Variants in GARNL3 observed in about 807,000 individuals in gnomAD.
GARNL3 encodes GTPase-activating Rap/Ran-GAP domain-like protein 3.
GARNL3 carries 63 observed loss-of-function variants against 125.0 expected under a neutral mutation model. The observed-to-expected ratio is 0.50, with a 90% CI of 0.41 to 0.62. The LOEUF (loss-of-function observed/expected upper bound fraction) is 0.62. Ranked by LOEUF, GARNL3 falls within the 20% of genes least tolerant of loss-of-function variation. GARNL3 has a pLI of 0.00. For synonymous variants in GARNL3, 439 were observed against 457.5 expected, an observed-to-expected ratio of 0.96 and a Z score of 0.52; for missense variants, 994 against 1,244.0, an observed-to-expected ratio of 0.80 and a Z score of 3.02.
At chr9:127,362,207 A>ATTAGGT (rs1831044434) in intron 21 of GARNL3, 1 of 150,646 alleles carries the variant, frequency 6.6e-6, no homozygotes, top group Non-Finnish European at 1.5e-5. Flanking sequence ...AGTAACTGGG[A>ATTAGGT]TTAGGTGCCC....
Position 127,390,706 on chromosome 9 carries a change from C to T in GARNL3, c.2809C>T (p.Arg937Trp), listed in dbSNP as rs753455445. Residue 937 changes from arginine (R) to tryptophan (W), a missense_variant, in exon 27 of 28, where the codon CGG becomes TGG. This residue lies in a region of GARNL3 where 728 missense variants were observed against 865.7 expected (regional missense o/e 0.84). Coordinates refer to ENST00000373387, the MANE Select transcript of GARNL3 (RefSeq NM_032293.5). The part of the protein sequence containing the change: ...APKAKSKPRK[R>W]LEESQGGPKP... ...AAAGGCCAAATCAAAACCCCGGAAG[C>T]GGTTAGAAGAAAGCCAAGGAGGCCC... 1.3e-5 allele frequency: 21 copies of T among 1,613,742 alleles called. No homozygotes were observed. The highest frequency in any genetic ancestry group is 4.5e-5 in the East Asian group (2 of 44,886).
intron 20 of GARNL3, among the ~76,000 whole-genome samples, chr9:127,356,210 A>G (rs1172817150): frequency 6.6e-6 from 1 of 152,186 alleles, no homozygotes; most frequent in East Asian, 1.9e-4. Flanking sequence ...TTAGGAGGCC[A>G]AGGGTGGAAA....
upstream of GARNL3, chr9:127,264,413 A>G (rs2063658295): frequency 1.8e-5 from 11 of 619,812 alleles, no homozygotes; most frequent in Non-Finnish European, 2.2e-5. Flanking sequence ...TCATATTGCC[A>G]CATAAAAATC....
At chr9:127,253,990 C>T (rs948434260) in intron 2 of GARNL3, among the ~76,000 whole-genome samples, 4 of 152,166 alleles carry the variant, frequency 2.6e-5, no homozygotes, top group African/African-American at 9.7e-5. Flanking sequence ...TCTCTGAAGT[C>T]TCTTCTAACC....
intron 2 of GARNL3, among the ~76,000 whole-genome samples, chr9:127,248,629 A>T (rs1323878484): frequency 1.3e-5 from 1 of 77,636 alleles, no homozygotes; most frequent in African/African-American, 8.7e-5. Context: ...TTTTGTTGAG[A>T]CAGGGTCTCA....
chr9:127,306,858 A>G (rs1391575530), intron 2 of GARNL3, among the ~76,000 whole-genome samples: 1 of 152,132 alleles, frequency 6.6e-6, no homozygotes, highest in African/African-American at 2.4e-5. Context: ...GCACTCCAGC[A>G]TGGGCAACAG....
At position 127,389,822 on chromosome 9, in the gene GARNL3, G is replaced by A. The variant is rs568300378; in HGVS notation, c.2743+703G>A. ...TATAGTCCCAGCTACTCAAGAAGCT[G>A]AGGCAAGAGAATCGATTGAGTCCGG... On this transcript the variant is annotated intron_variant, in intron 26 of 27. Transcript: ENST00000373387. Among the ~76,000 whole-genome samples, 369 of 150,908 alleles carry A rather than the reference G, an allele frequency of 2.4e-3. 2 individuals are homozygous for A. Among genetic ancestry groups the A allele is most frequent in the Non-Finnish European group, 4.5e-3 (307 of 67,842 alleles).
chr9:127,351,540 A>G (rs2131648862), intron 17 of GARNL3, among the ~76,000 whole-genome samples: 1 of 152,038 alleles, frequency 6.6e-6, no homozygotes, highest in East Asian at 1.9e-4. Flanking sequence ...TTAAGCCACA[A>G]TTCTCTTATT....
At chr9:127,244,984 C>T (rs1046971046) in intron 2 of GARNL3, among the ~76,000 whole-genome samples, 1 of 152,138 alleles carries the variant, frequency 6.6e-6, no homozygotes, top group African/African-American at 2.4e-5. Flanking sequence ...GACCCCAGCG[C>T]ACTGCAGAGG....
At chr9:127,320,005 A>AAAT (rs1417363929) in intron 5 of GARNL3, among the ~76,000 whole-genome samples, 1 of 152,246 alleles carries the variant, frequency 6.6e-6, no homozygotes, top group Non-Finnish European at 1.5e-5. Context: ...TGAAAACTTA[A>AAAT]AAGGAAATTA....
chr9:127,261,459 G>A (rs1481827126), upstream of GARNL3, among the ~76,000 whole-genome samples: 5 of 137,614 alleles, frequency 3.6e-5, no homozygotes, highest in African/African-American at 8.5e-5. Context: ...TGCCCAGGCT[G>A]GAGTGCAATG....
intron 3 of GARNL3, among the ~76,000 whole-genome samples, chr9:127,312,540 A>T (rs2065124491): frequency 1.3e-5 from 2 of 151,448 alleles, no homozygotes; most frequent in African/African-American, 4.8e-5. Context: ...GGAAAACAGG[A>T]GTGTGGTTAA....
intron 18 of GARNL3, 72 bp downstream of exon 18, chr9:127,354,016 T>TCGC: frequency 1.0e-6 from 1 of 999,340 alleles, no homozygotes; most frequent in Non-Finnish European, 1.6e-6. Context: ...ACACCACAGG[T>TCGC]CGCCAGGGTC....
intron 4 of GARNL3, among the ~76,000 whole-genome samples, chr9:127,316,276 T>C (rs985346348): frequency 1.4e-4 from 21 of 152,158 alleles, no homozygotes; most frequent in Admixed American, 1.2e-3. Context: ...GCAGGGTGGC[T>C]CATGCCTGTA....
chr9:127,269,225 C>A (rs1304210517), intron 1 of GARNL3, among the ~76,000 whole-genome samples: 1 of 152,210 alleles, frequency 6.6e-6, no homozygotes, highest in East Asian at 1.9e-4. Context: ...GTCTCGAAAT[C>A]TTGGGCTCAA....
intron 21 of GARNL3, among the ~76,000 whole-genome samples, chr9:127,360,275 G>T (rs1218268968): frequency 6.6e-6 from 1 of 152,058 alleles, no homozygotes; most frequent in Non-Finnish European, 1.5e-5. Context: ...GCCCACCTTG[G>T]CCTCCCAAAG....
At position 127,323,850 on chromosome 9, in the gene GARNL3, G is replaced by T. The variant is rs191908551; in HGVS notation, c.568-1219G>T. Among the ~76,000 whole-genome samples the T allele has an allele frequency of 2.0e-3, 308 of 152,268 alleles. 3 individuals carry two copies. The highest frequency in any genetic ancestry group is 7.0e-3 in the Admixed American group (107 of 15,298). Reference sequence around the variant, plus strand: ...CCACAAGGTGTTGAGGAAGATCAAAGTAAACCATGGAAAGAGAGAATTTTG... The same window carrying T: ...CCACAAGGTGTTGAGGAAGATCAAATTAAACCATGGAAAGAGAGAATTTTG... On this transcript the variant is annotated intron_variant, in intron 6 of 27. Transcript: ENST00000373387.
At chr9:127,288,647 C>G (rs1208582795) in intron 1 of GARNL3, among the ~76,000 whole-genome samples, 1 of 152,166 alleles carries the variant, frequency 6.6e-6, no homozygotes, top group Admixed American at 6.5e-5. Context: ...TTTTTACCAT[C>G]AAATCGTTAA....
chr9:127,369,676 CAG>C (rs974316225), intron 22 of GARNL3, among the ~76,000 whole-genome samples: 3 of 152,166 alleles, frequency 2.0e-5, no homozygotes, highest in African/African-American at 7.2e-5. Context: ...CACTTTTTCA[CAG>C]GGGTTGTGAG....
Sources: allele counts gnomAD v4.1 joint callset (sites outside exome capture counted in the v4.1 genomes callset), GRCh38; gene constraint gnomAD v4.1.1; regional missense constraint gnomAD v4.1.1; transcripts MANE v1.5; gene names NCBI Gene and HGNC (gene_info 2026-07-23, HGNC 2026-07-21).